The following GML variants were observed in gnomAD, a reference collection of about 807,000 sequenced individuals.
GML encodes the protein glycosylphosphatidylinositol anchored molecule like.
Under a neutral mutation model 8.2 loss-of-function variants are expected in GML, and 5 were observed. The observed-to-expected ratio is 0.61, with a 90% CI of 0.32 to 1.28. The LOEUF (loss-of-function observed/expected upper bound fraction) is 1.28. Among genes scored for constraint, GML ranks in the 50% most tolerant of loss-of-function variants. The probability of loss-of-function intolerance (pLI) is 0.06; values close to 1 mark genes in which losing one functional copy is unlikely to be tolerated. For missense variants in GML, 191 were observed against 198.3 expected, an observed-to-expected ratio of 0.96 and a Z score of 0.22; for synonymous variants, 72 against 69.0, an observed-to-expected ratio of 1.04 and a Z score of -0.22.
intron 1 of GML, among the ~76,000 whole-genome samples, chr8:142,835,529 C>T (rs552029913): frequency 3.3e-5 from 5 of 152,308 alleles, no homozygotes; most frequent in South Asian, 4.1e-4. Flanking sequence ...CTAATGGAGC[C>T]CTGCTTTTCC....
chr8:142,845,840 G>C (rs1367642993), intron 3 of GML, among the ~76,000 whole-genome samples: 1 of 152,214 alleles, frequency 6.6e-6, no homozygotes. Context: ...TCTGTACTGG[G>C]GAGGAGGTTG....
At chr8:142,835,226 C>T (rs1221641917) in intron 1 of GML, among the ~76,000 whole-genome samples, 12 of 151,820 alleles carry the variant, frequency 7.9e-5, no homozygotes, top group African/African-American at 1.5e-4. Context: ...GGGAGACCCC[C>T]CAACTATGCT....
chr8:142,839,271 A>C (rs549122373), intron 1 of GML, among the ~76,000 whole-genome samples: 40 of 152,198 alleles, frequency 2.6e-4, no homozygotes. Context: ...ACAGGCCCCC[A>C]GTCTTGGTCT....
At chr8:142,838,761 A>G (rs1003118611) in intron 1 of GML, among the ~76,000 whole-genome samples, 9 of 151,978 alleles carry the variant, frequency 5.9e-5, no homozygotes, top group Admixed American at 2.0e-4. Flanking sequence ...TTTCGCACTC[A>G]CCTTGGCCCT....
intron 3 of GML, among the ~76,000 whole-genome samples, chr8:142,844,871 T>C (rs533615195): frequency 6.6e-6 from 1 of 152,324 alleles, no homozygotes; most frequent in Admixed American, 6.5e-5. Flanking sequence ...CTCTTCGATG[T>C]TGTCGGCTAA....
At chr8:142,843,843 A>T (rs1393510152) in intron 3 of GML, among the ~76,000 whole-genome samples, 1 of 152,234 alleles carries the variant, frequency 6.6e-6, no homozygotes, top group African/African-American at 2.4e-5. Flanking sequence ...AAAGACTTAA[A>T]CACATGGAAT....
intron 2 of GML, among the ~76,000 whole-genome samples, chr8:142,840,899 G>A (rs1332103301): frequency 1.3e-5 from 2 of 152,162 alleles, no homozygotes; most frequent in African/African-American, 2.4e-5. Flanking sequence ...TGGAGCCTGC[G>A]TTGGAGAGCA....
At chr8:142,837,303 A>AAAAAAAAAAAG (rs1032951808) in intron 1 of GML, among the ~76,000 whole-genome samples, 5 of 152,126 alleles carry the variant, frequency 3.3e-5, no homozygotes, top group East Asian at 1.9e-4. Flanking sequence ...CTGTTTCAAA[A>AAAAAAAAAAAG]AAAGAAACTA....
chr8:142,835,406 C>G (rs1816325408), intron 1 of GML, among the ~76,000 whole-genome samples: 1 of 152,202 alleles, frequency 6.6e-6, no homozygotes, highest in African/African-American at 2.4e-5. Context: ...TGTGATTCCC[C>G]AAGGCGCGGG....
At chr8:142,836,263 T>C (rs963568524) in intron 1 of GML, among the ~76,000 whole-genome samples, 1 of 151,572 alleles carries the variant, frequency 6.6e-6, no homozygotes, top group African/African-American at 2.4e-5. Flanking sequence ...TCTGCCCTGC[T>C]CAAGGCAGTG....
At chr8:142,842,098 C>T (rs933990726) in intron 3 of GML, among the ~76,000 whole-genome samples, 1 of 152,052 alleles carries the variant, frequency 6.6e-6, no homozygotes, top group South Asian at 2.1e-4. Flanking sequence ...TGGGTGGTTA[C>T]CCTCATGATG....
At chr8:142,845,468 A>T (rs1355972224) in intron 3 of GML, among the ~76,000 whole-genome samples, 1 of 152,228 alleles carries the variant, frequency 6.6e-6, no homozygotes, top group Non-Finnish European at 1.5e-5. Flanking sequence ...ATAACAGAAA[A>T]CAAGTGACTG....
chr8:142,839,412 A>G lies in GML; in HGVS notation c.-22-1004A>G, dbSNP rs183407481. Among the ~76,000 whole-genome samples, 9 of 152,294 alleles carry G rather than the reference A, an allele frequency of 5.9e-5. No individual in the cohort carries two copies. The South Asian group carries it at 6.2e-4, about 11-fold the overall frequency. On this transcript the variant is annotated intron_variant, in intron 1 of 3. Transcript: ENST00000220940. The stretch of plus-strand genomic sequence containing the variant: ...CAGGGTGGGGCAAAGTGGGTACTGG[A>G]TCCTGATCATCCCTATCCCTGGGGT...
At chr8:142,841,554 C>G (rs1816434867) in intron 3 of GML, among the ~76,000 whole-genome samples, 1 of 152,160 alleles carries the variant, frequency 6.6e-6, no homozygotes, top group South Asian at 2.1e-4. Flanking sequence ...CTGGGTGAGT[C>G]CTCACTGGCC....
chr8:142,835,387 C>G (rs1199535166), intron 1 of GML, among the ~76,000 whole-genome samples: 2 of 152,212 alleles, frequency 1.3e-5, no homozygotes, highest in Admixed American at 6.5e-5. Flanking sequence ...CGCCCACCCC[C>G]ACACTGTCTG....
At chr8:142,836,412 T>G (rs1445074089) in intron 1 of GML, among the ~76,000 whole-genome samples, 2 of 152,354 alleles carry the variant, frequency 1.3e-5, no homozygotes, top group Non-Finnish European at 2.9e-5. Context: ...TTTCTGCCTC[T>G]TACACATCCT....
intron 1 of GML, among the ~76,000 whole-genome samples, chr8:142,836,413 T>C (rs998144737): frequency 6.6e-6 from 1 of 152,250 alleles, no homozygotes; most frequent in South Asian, 2.1e-4. Context: ...TTCTGCCTCT[T>C]ACACATCCTG....
intron 3 of GML, 45 bp from the exon 4 acceptor site, chr8:142,846,350 A>G: frequency 7.7e-7 from 1 of 1,305,230 alleles, no homozygotes; most frequent in Non-Finnish European, 1.1e-6. Context: ...ATTTACAAGC[A>G]GAAAATGTGA....
intron 3 of GML, 71 bp from the exon 4 acceptor site, chr8:142,846,324 G>T: frequency 2.2e-6 from 2 of 916,568 alleles, no homozygotes; most frequent in Non-Finnish European, 1.7e-6. Flanking sequence ...TGAATGTGAG[G>T]TGTATGTGCC....
Sources: gnomAD v4.1 joint callset for allele counts (sites outside exome capture counted in the v4.1 genomes callset) on GRCh38, gnomAD v4.1.1 for gene constraint, MANE v1.5 for transcripts, NCBI Gene and HGNC (gene_info 2026-07-23, HGNC 2026-07-21) for gene names.